The following CAST variants were observed in gnomAD, a reference collection of about 807,000 sequenced individuals.
CAST encodes MIR583 host.
CAST carries 76 observed loss-of-function variants against 119.6 expected under a neutral mutation model. That is an observed-to-expected ratio of 0.64 (90% CI 0.53 to 0.77). The LOEUF (loss-of-function observed/expected upper bound fraction) is 0.77. Among genes scored for constraint, CAST ranks in the 30% least tolerant of loss-of-function variants. CAST has a pLI of 0.00. For missense variants in CAST, 953 were observed against 946.5 expected, an observed-to-expected ratio of 1.01 and a Z score of -0.09; for synonymous variants, 319 against 331.6, an observed-to-expected ratio of 0.96 and a Z score of 0.41.
At chr5:96,001,134 C>A in the CAST span, among the ~76,000 whole-genome samples, 1 of 152,268 alleles carries the variant, frequency 6.6e-6, no homozygotes, top group South Asian at 2.1e-4. Context: ...AGACCCTTTT[C>A]AGACTGAATG....
the CAST span, among the ~76,000 whole-genome samples, chr5:96,294,196 C>T: frequency 6.6e-6 from 1 of 152,194 alleles, no homozygotes; most frequent in African/African-American, 2.4e-5. Flanking sequence ...TGTGCTATCT[C>T]TATGCATTGA....
chr5:96,432,801 G>A, the CAST span: 1 of 1,420,282 alleles, frequency 7.0e-7, no homozygotes, highest in African/African-American at 1.4e-5. Context: ...TTGGAAGACC[G>A]CGCTCCAGTC....
At chr5:96,238,865 T>C in the CAST span, among the ~76,000 whole-genome samples, 1 of 152,178 alleles carries the variant, frequency 6.6e-6, no homozygotes, top group Non-Finnish European at 1.5e-5. Flanking sequence ...ACCAACAATA[T>C]GTTGGATTGA....
chr5:96,432,152 G>C, the CAST span: 2 of 1,534,606 alleles, frequency 1.3e-6, no homozygotes, highest in Non-Finnish European at 1.7e-6. Context: ...CCTGCAGTGG[G>C]ACTGGCCGGG....
At chr5:96,628,464 T>C (rs1747764593) in intron 1 of CAST, among the ~76,000 whole-genome samples, 1 of 152,166 alleles carries the variant, frequency 6.6e-6, no homozygotes, top group Admixed American at 6.5e-5. Context: ...TAATAACACA[T>C]GCAACATTAA....
upstream of CAST, among the ~76,000 whole-genome samples, chr5:96,528,041 G>A (rs184265158): frequency 1.1e-3 from 162 of 152,312 alleles, no homozygotes; most frequent in African/African-American, 3.8e-3. Context: ...TGTTGCCACA[G>A]TTTTAAGAAG....
the CAST span, among the ~76,000 whole-genome samples, chr5:96,078,688 C>G: frequency 6.6e-6 from 1 of 152,266 alleles, no homozygotes. Flanking sequence ...AGTTAGAGCA[C>G]TTAATGTCAA....
chr5:96,302,353 A>G, the CAST span, among the ~76,000 whole-genome samples: 2 of 152,136 alleles, frequency 1.3e-5, no homozygotes, highest in East Asian at 1.9e-4. Context: ...TCTCTGTAAC[A>G]CCTTGGAGGT....
the CAST span, among the ~76,000 whole-genome samples, chr5:96,037,621 G>A: frequency 3.0e-3 from 461 of 152,216 alleles, 3 homozygotes; most frequent in African/African-American, 0.011. Context: ...TGCTAGGTTG[G>A]CAGTTAATAT....
the CAST span, among the ~76,000 whole-genome samples, chr5:95,974,056 A>G: frequency 6.6e-6 from 1 of 151,768 alleles, no homozygotes; most frequent in Non-Finnish European, 1.5e-5. Context: ...CAAACCAAAA[A>G]CCATCTACTG....
At chr5:96,259,465 A>G in the CAST span, among the ~76,000 whole-genome samples, 2 of 152,248 alleles carry the variant, frequency 1.3e-5, no homozygotes, top group African/African-American at 4.8e-5. Flanking sequence ...CTAAGCAGTT[A>G]TCACCTAAAA....
chr5:96,063,448 C>T, the CAST span, among the ~76,000 whole-genome samples: 1 of 152,294 alleles, frequency 6.6e-6, no homozygotes, highest in African/African-American at 2.4e-5. Context: ...TTCAACTACT[C>T]CTTGTGCCCA....
chr5:95,979,469 A>G, the CAST span, among the ~76,000 whole-genome samples: 1 of 152,226 alleles, frequency 6.6e-6, no homozygotes, highest in Non-Finnish European at 1.5e-5. Context: ...TGCCCAGGAT[A>G]GAGAAACAAG....
the CAST span, among the ~76,000 whole-genome samples, chr5:96,486,599 G>A: frequency 4.2e-4 from 64 of 152,112 alleles, no homozygotes; most frequent in Non-Finnish European, 9.0e-4. Context: ...CAGACAGAGC[G>A]TCTCCCTCCA....
the CAST span, among the ~76,000 whole-genome samples, chr5:96,375,112 T>C: frequency 6.6e-6 from 1 of 152,252 alleles, no homozygotes; most frequent in East Asian, 1.9e-4. Context: ...ACCTGAATAA[T>C]GGAGATAAGA....
intron 16 of CAST, among the ~76,000 whole-genome samples, chr5:96,745,588 T>A (rs1763596640): frequency 6.6e-6 from 1 of 152,204 alleles, no homozygotes; most frequent in Non-Finnish European, 1.5e-5. Flanking sequence ...CACACCTTTA[T>A]ATAGGTACAA....
chr5:96,653,302 A>G (rs529821280), intron 1 of CAST, among the ~76,000 whole-genome samples: 5 of 152,220 alleles, frequency 3.3e-5, no homozygotes, highest in Non-Finnish European at 5.9e-5. Flanking sequence ...TTTTTTCCTC[A>G]AAGTCAACTG....
At chr5:96,428,618 A>G in the CAST span, among the ~76,000 whole-genome samples, 1 of 152,198 alleles carries the variant, frequency 6.6e-6, no homozygotes, top group South Asian at 2.1e-4. Context: ...AAGAGATCAG[A>G]TGGTTTGGAT....
chr5:96,063,282 C>G, the CAST span, among the ~76,000 whole-genome samples: 1 of 152,128 alleles, frequency 6.6e-6, no homozygotes, highest in South Asian at 2.1e-4. Context: ...AAGGTCATGA[C>G]CCCCACCTGA....
Sources: allele counts gnomAD v4.1 joint callset (sites outside exome capture counted in the v4.1 genomes callset), GRCh38; gene constraint gnomAD v4.1.1; transcripts MANE v1.5; gene names NCBI Gene and HGNC (gene_info 2026-07-23, HGNC 2026-07-21).